The following ST6GAL2 variants were observed in gnomAD, a reference collection of about 807,000 sequenced individuals.
ST6GAL2 encodes ST6 beta-galactoside alpha-2,6-sialyltransferase 2.
A neutral mutation model predicts 37.5 loss-of-function variants in ST6GAL2; 24 were observed. The observed-to-expected ratio is 0.64, with a 90% CI of 0.46 to 0.90. The LOEUF (loss-of-function observed/expected upper bound fraction) is 0.90. Ranked by LOEUF, ST6GAL2 falls within the 40% of genes least tolerant of loss-of-function variation. The pLI, the probability that ST6GAL2 is intolerant of heterozygous loss-of-function variation, is 0.00. For missense variants in ST6GAL2, 715 were observed against 712.7 expected (o/e 1.00, Z -0.04); for synonymous variants, 306 against 295.1 (o/e 1.04, Z -0.38).
At chr2:106,833,331 T>C (rs10496408) in intron 3 of ST6GAL2, among the ~76,000 whole-genome samples, 15,664 of 152,214 alleles carry the variant, frequency 0.1, 1,038 homozygotes, top group Admixed American at 0.13. Flanking sequence ...ATTAAATGAA[T>C]GGCAGATTTT....
chr2:106,842,905 T>C (rs968334993), intron 2 of ST6GAL2, 130 bp downstream of exon 2: 2 of 564,530 alleles, frequency 3.5e-6, no homozygotes, highest in Non-Finnish European at 5.6e-6. Context: ...CTCCAGCTAA[T>C]ATTAGGAACA....
chr2:106,838,151 C>T (rs1464204261), intron 2 of ST6GAL2, among the ~76,000 whole-genome samples: 2 of 152,150 alleles, frequency 1.3e-5, no homozygotes, highest in African/African-American at 4.8e-5. Flanking sequence ...AGGAATAGGT[C>T]AGACAGCAAA....
intron 5 of ST6GAL2, among the ~76,000 whole-genome samples, chr2:106,825,704 T>C (rs1230600538): frequency 1.3e-5 from 2 of 152,242 alleles, no homozygotes; most frequent in South Asian, 2.1e-4. Flanking sequence ...CATTCCTTGA[T>C]GCATCCTTTT....
chr2:106,861,823 G>A (rs1469719491), intron 1 of ST6GAL2, among the ~76,000 whole-genome samples: 1 of 151,782 alleles, frequency 6.6e-6, no homozygotes, highest in Non-Finnish European at 1.5e-5. Flanking sequence ...ATGGAGATGG[G>A]GTTTTACCGT....
intron 1 of ST6GAL2, among the ~76,000 whole-genome samples, chr2:106,865,507 TAAC>T (rs1455046692): frequency 2.6e-5 from 4 of 152,176 alleles, no homozygotes; most frequent in African/African-American, 4.8e-5. Flanking sequence ...GTACAGTGCT[TAAC>T]ACATGAAAAC....
intron 5 of ST6GAL2, among the ~76,000 whole-genome samples, chr2:106,827,600 C>T (rs1398502215): frequency 1.3e-5 from 2 of 152,172 alleles, no homozygotes; most frequent in Admixed American, 1.3e-4. Flanking sequence ...TTCTTATCAA[C>T]TTGCTGTTTT....
At chr2:106,860,012 C>A (rs1677734484) in intron 1 of ST6GAL2, among the ~76,000 whole-genome samples, 1 of 152,158 alleles carries the variant, frequency 6.6e-6, no homozygotes, top group South Asian at 2.1e-4. Context: ...GCTCACACAG[C>A]TCCTGGCCAT....
chr2:106,860,474 T>C (rs1397483152), intron 1 of ST6GAL2, among the ~76,000 whole-genome samples: 1 of 152,106 alleles, frequency 6.6e-6, no homozygotes, highest in African/African-American at 2.4e-5. Flanking sequence ...AACAAATGGC[T>C]AGTGAGGGGT....
At chr2:106,850,861 C>T (rs1243649976) in intron 1 of ST6GAL2, among the ~76,000 whole-genome samples, 1 of 152,200 alleles carries the variant, frequency 6.6e-6, no homozygotes. Context: ...ATACTCACTG[C>T]CATATCCCAT....
chr2:106,880,343 C>G (rs1378607545), intron 1 of ST6GAL2, among the ~76,000 whole-genome samples: 1 of 152,160 alleles, frequency 6.6e-6, no homozygotes, highest in African/African-American at 2.4e-5. Context: ...TAAAACATCT[C>G]AAGTGGTTCA....
At chr2:106,848,280 C>T (rs761123185) in intron 1 of ST6GAL2, among the ~76,000 whole-genome samples, 18 of 152,122 alleles carry the variant, frequency 1.2e-4, no homozygotes, top group Non-Finnish European at 2.2e-4. Flanking sequence ...AGTCCTATCG[C>T]TAAGGAAATT....
At chr2:106,871,430 A>G (rs1678264522) in intron 1 of ST6GAL2, among the ~76,000 whole-genome samples, 1 of 152,168 alleles carries the variant, frequency 6.6e-6, no homozygotes, top group African/African-American at 2.4e-5. Flanking sequence ...TTTCTTCAAT[A>G]ATAAATCTTA....
rs760332408 is a variant in ST6GAL2, at chr2:106,843,022, C to T, written c.943+13G>A. ...TCAAGACAGGGCGACCTGGTCCCCC[C>T]GCTGAGACCTACCTATTTCCTCGCC... On this transcript the variant is annotated intron_variant, in intron 2 of 5. Transcript: ENST00000409382. 7.2e-7 allele frequency: 1 copy of T among 1,386,448 alleles called. No homozygotes were observed. The allele number at this position is 1,386,448 out of a possible 1,614,324, so 85.9% of individuals were successfully genotyped here. A position where few individuals can be genotyped will look rare whatever the true frequency, so the allele number is the denominator to read the frequency against.
In ST6GAL2 at chr2:106,843,523, G is replaced by T; in HGVS notation, c.455C>A (p.Ser152Tyr). The change falls in exon 2 of 6, where the codon TCC becomes TAC. Residue 152 changes from serine to tyrosine, a missense_variant. Physicochemically the swap from Ser to Tyr is moderately radical, Grantham distance 144. Around this residue, in one of 3 missense-constraint regions of ST6GAL2, gnomAD observed 512 missense variants for 488.8 expected, o/e 1.05. Coordinates refer to ENST00000409382, the MANE Select transcript of ST6GAL2 (RefSeq NM_001142351.2). ...SHTQGTLGFP[S>Y]PGEPGPREGA... ...CTCCCGTGGGCCTGGCTCCCCGGGGGAAGGGAATCCCAATGTCCCCTGAGT... is the reference window on the plus strand; with the variant it reads ...CTCCCGTGGGCCTGGCTCCCCGGGGTAAGGGAATCCCAATGTCCCCTGAGT... 6.2e-7 allele frequency: 1 copy of T among 1,614,032 alleles called. No homozygotes were observed. The highest frequency in any genetic ancestry group is 8.5e-7 in the Non-Finnish European group (1 of 1,180,008).
At chr2:106,871,666 A>G (rs1391769810) in intron 1 of ST6GAL2, among the ~76,000 whole-genome samples, 1 of 152,180 alleles carries the variant, frequency 6.6e-6, no homozygotes, top group East Asian at 1.9e-4. Flanking sequence ...CCCACAAATT[A>G]GCCTAGGCCT....
chr2:106,878,570 T>C (rs1227432064), intron 1 of ST6GAL2, among the ~76,000 whole-genome samples: 1 of 152,150 alleles, frequency 6.6e-6, no homozygotes, highest in African/African-American at 2.4e-5. Flanking sequence ...AAGACCAGCC[T>C]GGAGAGAACA....
chr2:106,813,317 T>A, intron 5 of ST6GAL2: 1 of 785,292 alleles, frequency 1.3e-6, no homozygotes, highest in Non-Finnish European at 1.7e-6. Context: ...TGTATGCTTT[T>A]AAACATCATA....
chr2:106,851,244 T>A (rs1677348045), intron 1 of ST6GAL2, among the ~76,000 whole-genome samples: 1 of 152,244 alleles, frequency 6.6e-6, no homozygotes, highest in Admixed American at 6.5e-5. Context: ...AGGGAACTTC[T>A]ATTTTTAGAG....
At chr2:106,883,151 T>C (rs1179853852) in intron 1 of ST6GAL2, among the ~76,000 whole-genome samples, 1 of 152,300 alleles carries the variant, frequency 6.6e-6, no homozygotes, top group East Asian at 1.9e-4. Context: ...ACCTGTGGAC[T>C]AGGTAGATGC....
Sources: allele counts gnomAD v4.1 joint callset (sites outside exome capture counted in the v4.1 genomes callset), GRCh38; gene constraint gnomAD v4.1.1; regional missense constraint gnomAD v4.1.1; transcripts MANE v1.5; gene names NCBI Gene and HGNC (gene_info 2026-07-23, HGNC 2026-07-21).